CPA6: variants seen among roughly 807,000 people sequenced by gnomAD.
CPA6 encodes the protein carboxypeptidase B.
A neutral mutation model predicts 63.3 loss-of-function variants in CPA6; 58 were observed. That is an observed-to-expected ratio of 0.92 (90% CI 0.74 to 1.14). The LOEUF (loss-of-function observed/expected upper bound fraction) is 1.14. Among genes scored for constraint, CPA6 ranks in the 50% most tolerant of loss-of-function variants. The pLI is 0.00. For synonymous variants in CPA6, 185 were observed against 179.0 expected (o/e 1.03, Z -0.27); for missense variants, 565 against 526.6 (o/e 1.07, Z -0.71).
rs189726068 is a variant in CPA6 at position 67,526,201 on chromosome 8, C to T, written c.193-8154G>A. Among the ~76,000 whole-genome samples, 4 of 152,182 alleles carry T rather than the reference C, an allele frequency of 2.6e-5. No homozygotes were observed. The East Asian group carries it at 7.7e-4, about 29-fold the overall frequency. On this transcript the variant is annotated intron_variant, in intron 2 of 10. Coordinates refer to ENST00000297770, the MANE Select transcript of CPA6 (RefSeq NM_020361.5). ...CTGAGGTTTTTCTGTGGACTGAATG[C>T]TGTGAGGAAGGAGAGTAATTCTGTC...
chr8:67,521,233 G>A (rs962224617), intron 2 of CPA6, among the ~76,000 whole-genome samples: 2 of 152,214 alleles, frequency 1.3e-5, no homozygotes, highest in African/African-American at 2.4e-5. Flanking sequence ...GACTATTCCC[G>A]TGTGTTCTTT....
chr8:67,423,827 C>A (rs1371038410), intron 10 of CPA6, among the ~76,000 whole-genome samples: 3 of 152,198 alleles, frequency 2.0e-5, no homozygotes, highest in Non-Finnish European at 2.9e-5. Flanking sequence ...GGTCCCCAAC[C>A]CCCAGGCCAC....
At chr8:67,658,770 A>G (rs773426230) in intron 1 of CPA6, among the ~76,000 whole-genome samples, 19 of 152,152 alleles carry the variant, frequency 1.2e-4, no homozygotes, top group Non-Finnish European at 2.2e-4. Context: ...CCAGAAAGTG[A>G]GGTCCTGTCT....
At chr8:67,607,214 T>TTCTTCTTCC in intron 2 of CPA6, among the ~76,000 whole-genome samples, 1 of 110,506 alleles carries the variant, frequency 9.0e-6, no homozygotes, top group South Asian at 3.7e-4. Context: ...CTTCTTCTTC[T>TTCTTCTTCC]TCTTCTTCTT....
At chr8:67,458,937 A>G (rs1003262580) in intron 8 of CPA6, among the ~76,000 whole-genome samples, 55 of 152,336 alleles carry the variant, frequency 3.6e-4, no homozygotes, top group African/African-American at 1.3e-3. Context: ...TCATTCATTG[A>G]TTGTAGTAAT....
chr8:67,657,666 G>T (rs929350602), intron 1 of CPA6, among the ~76,000 whole-genome samples: 2 of 152,134 alleles, frequency 1.3e-5, no homozygotes, highest in African/African-American at 4.8e-5. Flanking sequence ...AACCTAGAAG[G>T]TTCTAAACTA....
At chr8:67,601,006 T>C (rs1349894406) in intron 2 of CPA6, among the ~76,000 whole-genome samples, 1 of 152,206 alleles carries the variant, frequency 6.6e-6, no homozygotes, top group African/African-American at 2.4e-5. Context: ...CATGCATGTA[T>C]ATAATAAAAT....
chr8:67,541,311 C>A (rs1178730479), intron 2 of CPA6, among the ~76,000 whole-genome samples: 3 of 152,058 alleles, frequency 2.0e-5, no homozygotes, highest in Non-Finnish European at 2.9e-5. Flanking sequence ...TTGTCTTATG[C>A]CTAATTTCTG....
chr8:67,555,858 C>A (rs914741441), intron 2 of CPA6, among the ~76,000 whole-genome samples: 1 of 152,174 alleles, frequency 6.6e-6, no homozygotes, highest in African/African-American at 2.4e-5. Context: ...AAAAACCATA[C>A]GCATATTATA....
chr8:67,568,799 G>C (rs969368286), intron 2 of CPA6, among the ~76,000 whole-genome samples: 9 of 152,144 alleles, frequency 5.9e-5, no homozygotes, highest in African/African-American at 2.2e-4. Context: ...TGCCCAGTTT[G>C]GAGTGCAGTG....
intron 1 of CPA6, among the ~76,000 whole-genome samples, chr8:67,684,001 G>GTGTATATATATATA (rs1214064613): frequency 5.1e-5 from 6 of 116,982 alleles, no homozygotes; most frequent in African/African-American, 1.9e-4. Flanking sequence ...ATTTTAAAAT[G>GTGTATATATATATA]TATATATATA....
At position 67,591,948 on chromosome 8, in the gene CPA6, C is replaced by A. The variant is rs577101970; in HGVS notation, c.192+32228G>T. Among the ~76,000 whole-genome samples, 4 of 152,268 alleles carry A rather than the reference C, an allele frequency of 2.6e-5. No homozygotes were observed. The East Asian group carries it at 7.7e-4, about 29-fold the overall frequency. Reference sequence around the variant, plus strand: ...GTTGAATAGGAGTGATGAGAGAGGGCATCCCTGTCTTGTGCCAGTTTTCAA... The same window carrying A: ...GTTGAATAGGAGTGATGAGAGAGGGAATCCCTGTCTTGTGCCAGTTTTCAA... On this transcript the variant is annotated intron_variant, in intron 2 of 10. Transcript: ENST00000297770.
chr8:67,707,523 C>T (rs1324404647), intron 1 of CPA6, among the ~76,000 whole-genome samples: 3 of 152,094 alleles, frequency 2.0e-5, no homozygotes, highest in Non-Finnish European at 4.4e-5. Flanking sequence ...TGCATAAGTG[C>T]AATAAAAATG....
chr8:67,620,766 T>A (rs1815062008), intron 2 of CPA6, among the ~76,000 whole-genome samples: 1 of 152,154 alleles, frequency 6.6e-6, no homozygotes, highest in African/African-American at 2.4e-5. Flanking sequence ...TATCTCCAAC[T>A]TCAATCCAAT....
At chr8:67,681,195 A>ATTTTCTTTT (rs1816585537) in intron 1 of CPA6, among the ~76,000 whole-genome samples, 1 of 97,144 alleles carries the variant, frequency 1.0e-5, no homozygotes, top group African/African-American at 6.0e-5. Context: ...GGTCACAAAG[A>ATTTTCTTTT]TTTTCTTTTT....
rs566613233 is a variant in CPA6, at chr8:67,724,144, T to TA, written c.116+21869dup. Among the ~76,000 whole-genome samples the TA allele has an allele frequency of 1.7e-3, 265 of 152,320 alleles. 3 individuals carry two copies. The highest frequency in any genetic ancestry group is 0.011 in the South Asian group (54 of 4,832). On this transcript the variant is annotated intron_variant, in intron 1 of 10. Transcript: ENST00000297770. ...TGACTTTTTTCCCTCTCTGACACAC[T>TA]ACTTCTGAAGTCCCCTGTGTTTAAA...
intron 2 of CPA6, among the ~76,000 whole-genome samples, chr8:67,616,728 C>T (rs983770443): frequency 2.6e-5 from 4 of 152,086 alleles, no homozygotes; most frequent in African/African-American, 9.7e-5. Flanking sequence ...TTACCGAGTA[C>T]TCTAAGCTTG....
chr8:67,471,086 T>C (rs540415153), intron 8 of CPA6, among the ~76,000 whole-genome samples: 1 of 152,294 alleles, frequency 6.6e-6, no homozygotes, highest in East Asian at 1.9e-4. Flanking sequence ...CTTCTGCCTC[T>C]TCTTCTACTC....
chr8:67,458,804 C>T (rs948116372), intron 8 of CPA6, among the ~76,000 whole-genome samples: 1 of 152,222 alleles, frequency 6.6e-6, no homozygotes, highest in African/African-American at 2.4e-5. Flanking sequence ...AGATGCCCCA[C>T]ATCATATGTC....
Sources: gnomAD v4.1 joint callset for allele counts (sites outside exome capture counted in the v4.1 genomes callset) on GRCh38, gnomAD v4.1.1 for gene constraint, MANE v1.5 for transcripts, NCBI Gene and HGNC (gene_info 2026-07-23, HGNC 2026-07-21) for gene names.